CDC42BPB: variants seen among roughly 807,000 people sequenced by gnomAD.
CDC42BPB encodes the protein CDC42 binding protein kinase beta.
In CDC42BPB, 37 loss-of-function variants were observed where a neutral mutation model predicts 214.9. That is an observed-to-expected ratio of 0.17 (90% CI 0.13 to 0.23). The LOEUF is 0.23. Ranked by LOEUF, CDC42BPB falls within the 10% of genes least tolerant of loss-of-function variation. CDC42BPB has a pLI of 1.00. For missense variants in CDC42BPB, 1,694 were observed against 2,227.0 expected (o/e 0.76, Z 4.82); for synonymous variants, 931 against 884.0 (o/e 1.05, Z -0.94).
intron 1 of CDC42BPB, among the ~76,000 whole-genome samples, chr14:103,043,126 C>T (rs1430233957): frequency 2.8e-4 from 42 of 152,164 alleles, no homozygotes; most frequent in Non-Finnish European, 4.4e-5. Flanking sequence ...CAGGCGTAAT[C>T]CCAGCTATTT....
In CDC42BPB at chr14:103,001,776, A is replaced by C. The variant is rs2139600744; in HGVS notation, c.448-2063T>G. ...CGGCCAGGCCCTCGGGCCCCTAAGG[A>C]AGGCCGTGGGGTCGAGTCAAGCCCT... On this transcript the variant is annotated intron_variant, in intron 4 of 36. Transcript: ENST00000361246. The surrounding 1 kb of genome is among the most constrained non-coding windows in gnomAD (Gnocchi z 5.8). Among the ~76,000 whole-genome samples, 1 of 152,226 alleles carries C rather than the reference A, an allele frequency of 6.6e-6. No individual in the cohort carries two copies. Among genetic ancestry groups the C allele is most frequent in the East Asian group, 1.9e-4 (1 of 5,162 alleles).
At chr14:102,971,293 G>A (rs12897281) in intron 13 of CDC42BPB, among the ~76,000 whole-genome samples, 37,677 of 152,176 alleles carry the variant, frequency 0.25, 5,789 homozygotes, top group Non-Finnish European at 0.34. Flanking sequence ...TGTTACTTAT[G>A]TTAACATGAA....
intron 4 of CDC42BPB, among the ~76,000 whole-genome samples, chr14:103,000,626 A>G (rs769392433): frequency 6.6e-6 from 1 of 152,206 alleles, no homozygotes; most frequent in Non-Finnish European, 1.5e-5. Flanking sequence ...CTGTGAAGAG[A>G]TGGATGCTGT....
chr14:103,024,769 TA>T (rs1377111509), intron 1 of CDC42BPB, among the ~76,000 whole-genome samples: 8 of 152,194 alleles, frequency 5.3e-5, no homozygotes, highest in African/African-American at 1.9e-4. Flanking sequence ...GGATGTTATA[TA>T]ATAATATCTC....
rs1892073303 is a variant in CDC42BPB at position 102,944,753 on chromosome 14, G to A, written c.3812-266C>T. Reference sequence around the variant, plus strand: ...GTCCAAAGGCTCCTCTGCCTCTGCTGCTGTGCACACCCCTCAGTGCACCAG... The same window carrying A: ...GTCCAAAGGCTCCTCTGCCTCTGCTACTGTGCACACCCCTCAGTGCACCAG... On this transcript the variant is annotated intron_variant, in intron 29 of 36. Transcript: ENST00000361246. The surrounding 1 kb of genome is among the most constrained non-coding windows in gnomAD (Gnocchi z 6.6). 1 of 772,152 alleles carries A rather than the reference G, an allele frequency of 1.3e-6. No individual in the cohort carries two copies. Among genetic ancestry groups the A allele is most frequent in the Non-Finnish European group, 1.6e-6 (1 of 635,620 alleles). The allele number at this position is 772,152 out of a possible 1,614,324, so 47.8% of individuals were successfully genotyped here. A position where few individuals can be genotyped will look rare whatever the true frequency, so the allele number is the denominator to read the frequency against.
chr14:102,951,110 G>A (rs533800994), intron 24 of CDC42BPB, among the ~76,000 whole-genome samples: 10 of 152,332 alleles, frequency 6.6e-5, no homozygotes, highest in African/African-American at 1.9e-4. Flanking sequence ...TTCAGCATGC[G>A]CACAGGGAAA....
intron 1 of CDC42BPB, among the ~76,000 whole-genome samples, chr14:103,030,105 G>A (rs1007116838): frequency 2.0e-5 from 3 of 152,126 alleles, no homozygotes; most frequent in Non-Finnish European, 2.9e-5. Flanking sequence ...AGAGTGAGGC[G>A]CTCACTTTCC....
rs150951240 is a variant in CDC42BPB at position 103,039,975 on chromosome 14, A to G, written c.175+17024T>C. On this transcript the variant is annotated intron_variant, in intron 1 of 36. Transcript: ENST00000361246. The stretch of plus-strand genomic sequence containing the variant: ...AAGATCAATATATAAAAATCAATTT[A>G]CCTCAGGAATAAATTTAAGAAAGTA... 4.7e-4 allele frequency among the ~76,000 whole-genome samples: 71 copies of G among 152,324 alleles called. 1 individual carries two copies. In the East Asian group the frequency reaches 0.01, roughly 22 times the overall value.
In CDC42BPB at chr14:102,946,479, G is replaced by A. The variant is rs756048171; in HGVS notation, c.3737C>T (p.Ala1246Val). ...CCTTTGGGACGTACCCACGATGGCA[G>A]CTGTCAGGATGGCCTTGATGAGAGG... is the stretch of plus-strand genomic sequence containing the variant. ...SLPLIKAILT[A>V]AIVDADRIAV... is the part of the protein sequence containing the mutation. Residue 1246 changes from alanine to valine, a missense_variant, in exon 28 of 37, where the codon GCT (alanine) becomes GTT (valine). By Grantham distance (64) the Ala-to-Val change is moderately conservative. Around this residue, in one of 7 missense-constraint regions of CDC42BPB, gnomAD observed 567 missense variants for 790.3 expected, o/e 0.72. Coordinates refer to ENST00000361246, the MANE Select transcript of CDC42BPB (RefSeq NM_006035.4). 1 of 1,612,718 alleles carries A rather than the reference G, an allele frequency of 6.2e-7. No individual in the cohort carries two copies. The highest frequency in any genetic ancestry group is 8.5e-7 in the Non-Finnish European group (1 of 1,179,958).
chr14:102,953,440 G>A (rs915091796), intron 23 of CDC42BPB, among the ~76,000 whole-genome samples: 1 of 152,224 alleles, frequency 6.6e-6, no homozygotes, highest in Non-Finnish European at 1.5e-5. Flanking sequence ...AAGAGTCTTA[G>A]TCCAAAAGCC....
intron 11 of CDC42BPB, among the ~76,000 whole-genome samples, chr14:102,975,400 GTAA>G (rs1893691355): frequency 6.6e-6 from 1 of 152,146 alleles, no homozygotes; most frequent in Admixed American, 6.5e-5. Context: ...GCACATGCCT[GTAA>G]TCCCAGCTAC....
chr14:102,941,515 C>A (rs992442465), intron 30 of CDC42BPB: 4 of 985,440 alleles, frequency 4.1e-6, no homozygotes, highest in African/African-American at 1.7e-5. Flanking sequence ...CTCTGAGAAC[C>A]AAGTCAAAAG....
At chr14:103,043,407 CATG>C (rs1013565684) in intron 1 of CDC42BPB, among the ~76,000 whole-genome samples, 2 of 152,144 alleles carry the variant, frequency 1.3e-5, no homozygotes, top group East Asian at 1.9e-4. Context: ...ACCTTGACAA[CATG>C]ATGTCAGTCA....
In CDC42BPB at chr14:102,940,239, G is replaced by T; in HGVS notation, c.4494C>A (p.Ile1498=). The T allele has an allele frequency of 6.2e-7, 1 of 1,601,806 alleles. No homozygotes were observed. Among genetic ancestry groups the T allele is most frequent in the Non-Finnish European group, 8.5e-7 (1 of 1,174,360 alleles). The change falls in exon 31 of 37, where the codon ATC becomes ATA. Residue 1498 remains isoleucine, a synonymous_variant. Transcript: ENST00000361246. ...GAGGCCGCCTTACCCTCCGCAGGCC[G>T]ATGGTCTGCACCCACTCCATGGTGC... ...DVRTMEWVQT[I]GLRRIRPLNS...
At chr14:102,990,613 C>G (rs1452728642) in intron 5 of CDC42BPB, among the ~76,000 whole-genome samples, 1 of 152,114 alleles carries the variant, frequency 6.6e-6, no homozygotes, top group Non-Finnish European at 1.5e-5. Flanking sequence ...ACTGAGGGGC[C>G]TAGAAGCAGG....
At chr14:103,013,837 C>T (rs1447802929) in intron 1 of CDC42BPB, among the ~76,000 whole-genome samples, 7 of 152,194 alleles carry the variant, frequency 4.6e-5, no homozygotes, top group African/African-American at 9.6e-5. Context: ...TGTTTAAGCC[C>T]CCCACTTTGT....
At chr14:102,957,653 A>G (rs1892771058) in intron 21 of CDC42BPB, among the ~76,000 whole-genome samples, 1 of 152,284 alleles carries the variant, frequency 6.6e-6, no homozygotes, top group East Asian at 1.9e-4. Context: ...ACATTTTGAC[A>G]GGTGAAGGTG....
chr14:102,949,512 C>T (rs564817018), intron 26 of CDC42BPB, among the ~76,000 whole-genome samples: 52 of 152,254 alleles, frequency 3.4e-4, no homozygotes, highest in African/African-American at 1.1e-3. Context: ...AACTTCTCAA[C>T]GCAAACACAT....
At chr14:102,934,173 G>A (rs1891525467) in intron 36 of CDC42BPB, 1 of 321,116 alleles carries the variant, frequency 3.1e-6, no homozygotes, top group African/African-American at 2.3e-5. Context: ...AAGGTGGGTG[G>A]ATCACACTTG....
Sources: allele counts gnomAD v4.1 joint callset (sites outside exome capture counted in the v4.1 genomes callset), GRCh38; gene constraint gnomAD v4.1.1; regional missense constraint gnomAD v4.1.1; non-coding constraint Gnocchi (gnomAD v3.1); transcripts MANE v1.5; gene names NCBI Gene and HGNC (gene_info 2026-07-23, HGNC 2026-07-21).